URI1: variants seen among roughly 807,000 people sequenced by gnomAD.
URI1 encodes the protein URI1 prefoldin like chaperone, also known as unconventional prefoldin RPB5 interactor 1.
URI1 carries 39 observed loss-of-function variants against 60.2 expected under a neutral mutation model. That is an observed-to-expected ratio of 0.65 (90% CI 0.50 to 0.85). The LOEUF (loss-of-function observed/expected upper bound fraction) is 0.85, where lower values mean the gene tolerates loss of function less well. Ranked by LOEUF, URI1 falls within the 40% of genes least tolerant of loss-of-function variation. The pLI is 0.00. For synonymous variants in URI1, 251 were observed against 236.8 expected, an observed-to-expected ratio of 1.06 and a Z score of -0.55; for missense variants, 691 against 665.9, an observed-to-expected ratio of 1.04 and a Z score of -0.42.
intron 1 of URI1, among the ~76,000 whole-genome samples, chr19:29,943,628 AC>A (rs2043125816): frequency 6.6e-6 from 1 of 152,188 alleles, no homozygotes; most frequent in Admixed American, 6.5e-5. Flanking sequence ...TTACATAGAT[AC>A]AAAAATATAC....
At chr19:30,010,628 T>C (rs1009356999) in intron 8 of URI1, among the ~76,000 whole-genome samples, 8 of 152,290 alleles carry the variant, frequency 5.3e-5, no homozygotes, top group African/African-American at 1.7e-4. Flanking sequence ...GGTTTTTATT[T>C]TTTTACTCCT....
Position 30,014,892 on chromosome 19 carries a change from T to C in URI1, c.1431T>C (p.Phe477=), listed in dbSNP as rs374782301. The change falls in exon 11 of 11, where the codon TTT becomes TTC. Residue 477 remains phenylalanine (F), a synonymous_variant. Transcript: ENST00000392271. ...ACCTGACTTTTGTTTTCTAGGCTTTTTCTGGAACTGTTATAGAAAAAGAAT... is the reference window on the plus strand; with the variant it reads ...ACCTGACTTTTGTTTTCTAGGCTTTCTCTGGAACTGTTATAGAAAAAGAAT... The part of the protein sequence containing the change: ...LLPLSVTPEA[F]SGTVIEKEFV... The C allele has an allele frequency of 1.1e-3, 1,730 of 1,610,584 alleles. 31 individuals are homozygous for C. In the South Asian group the frequency reaches 0.018, roughly 17 times the overall value.
chr19:29,968,560 T>G (rs1391681670), intron 1 of URI1, among the ~76,000 whole-genome samples: 7 of 126,902 alleles, frequency 5.5e-5, no homozygotes, highest in Non-Finnish European at 1.1e-4. Context: ...ATTTACTAAT[T>G]TTTTCTTTTT....
intron 1 of URI1, 86 bp downstream of exon 1, chr19:29,942,750 GC>G: frequency 1.6e-6 from 2 of 1,268,216 alleles, no homozygotes; most frequent in Non-Finnish European, 2.0e-6. Context: ...CGTGGCCTAG[GC>G]CCAGCTGCCC....
rs1173996310 is a variant in URI1 at position 30,015,235 on chromosome 19, ACTGT to A, written c.*170_*173del. 8 of 1,419,188 alleles carry A rather than the reference ACTGT, an allele frequency of 5.6e-6. No individual in the cohort carries two copies. In the African/African-American group the frequency reaches 1.0e-4, roughly 18 times the overall value. 87.9% of individuals were successfully genotyped at this position (1,419,188 alleles called of 1,614,324 possible). A position where few individuals can be genotyped will look rare whatever the true frequency, so the allele number is the denominator to read the frequency against. On this transcript the variant is annotated 3_prime_UTR_variant, in exon 11 of 11. Transcript: ENST00000392271. ...GTGGTATTTGAAAAAAATCAAGGTA[ACTGT>A]CTGAATACTTTAATATCAGCTTGTT...
At chr19:29,933,805 G>A (rs1417046683) in intron 1 of URI1, among the ~76,000 whole-genome samples, 2 of 140,218 alleles carry the variant, frequency 1.4e-5, no homozygotes, top group African/African-American at 5.4e-5. Context: ...CTGGGCAACA[G>A]AGTGAGACTC....
Position 30,009,017 on chromosome 19 carries a change from T to C in URI1, c.699T>C (p.Thr233=), listed in dbSNP as rs1446879047. The change falls in exon 8 of 11, where the codon ACT becomes ACC. Residue 233 remains threonine (T), a synonymous_variant. Coordinates refer to ENST00000392271, the MANE Select transcript of URI1 (RefSeq NM_003796.3). ...LLGELDSKPD[T]VIANGEDTTS... ...TCTTCCTTGCTAGTAAGCCTGATAC[T>C]GTGATTGCAAATGGAGAAGATACGA... The C allele has an allele frequency of 1.2e-6, 2 of 1,609,530 alleles. No individual in the cohort carries two copies. Among genetic ancestry groups the C allele is most frequent in the African/African-American group, 1.3e-5 (1 of 74,956 alleles).
intron 4 of URI1, among the ~76,000 whole-genome samples, chr19:29,993,888 A>G (rs373256696): frequency 6.6e-6 from 1 of 152,012 alleles, no homozygotes; most frequent in East Asian, 1.9e-4. Flanking sequence ...CCTCCACTCA[A>G]ATTGTAGGCA....
rs1188295833 is a variant in URI1 at position 30,016,148 on chromosome 19, G to A, written c.*1079G>A. On this transcript the variant is annotated 3_prime_UTR_variant, in exon 11 of 11. Coordinates refer to ENST00000392271, the MANE Select transcript of URI1 (RefSeq NM_003796.3). The stretch of plus-strand genomic sequence containing the variant: ...CTCTATTCATGGCTAAATATTTAAA[G>A]GTTATTTATAGCTTCTTTAATGAAT... 1 of 152,154 alleles carries A rather than the reference G, an allele frequency of 6.6e-6. No individual in the cohort carries two copies. The highest frequency in any genetic ancestry group is 1.5e-5 in the Non-Finnish European group (1 of 67,952). 9.4% of individuals were successfully genotyped at this position (152,154 alleles called of 1,614,324 possible).
Position 30,007,497 on chromosome 19 carries a change from A to G in URI1, c.545A>G (p.His182Arg). 1 of 1,613,318 alleles carries G rather than the reference A, an allele frequency of 6.2e-7. No individual in the cohort carries two copies. Among genetic ancestry groups the G allele is most frequent in the South Asian group, 1.1e-5 (1 of 91,054 alleles). Residue 182 changes from histidine (H) to arginine (R), a missense_variant, in exon 7 of 11, where the codon CAT becomes CGT. Physicochemically the swap from His to Arg is conservative, Grantham distance 29. Coordinates refer to ENST00000392271, the MANE Select transcript of URI1 (RefSeq NM_003796.3). ...KAKHRIAHKP[H>R]SKPKTSDIFE... ...AAACACCGAATTGCTCATAAACCGC[A>G]TTCCAAACCAAAAACTTCAGATATT... is the stretch of plus-strand genomic sequence containing the variant.
intron 10 of URI1, chr19:30,012,787 T>C (rs2056039720): frequency 2.9e-6 from 1 of 339,208 alleles, no homozygotes; most frequent in South Asian, 4.9e-5. Flanking sequence ...CTTGGCATTA[T>C]GTATTACATT....
intron 8 of URI1, among the ~76,000 whole-genome samples, chr19:30,010,655 A>G (rs920619094): frequency 2.3e-4 from 35 of 152,192 alleles, no homozygotes; most frequent in African/African-American, 7.7e-4. Flanking sequence ...TCTAAAAATT[A>G]GAGATGTTTT....
intron 2 of URI1, among the ~76,000 whole-genome samples, chr19:29,975,929 T>A (rs2055517152): frequency 6.6e-6 from 1 of 152,222 alleles, no homozygotes. Flanking sequence ...TGTATTCATC[T>A]ACATGTTTAT....
intron 1 of URI1, among the ~76,000 whole-genome samples, chr19:29,949,710 C>T (rs933795317): frequency 2.0e-5 from 3 of 152,228 alleles, no homozygotes; most frequent in African/African-American, 7.2e-5. Context: ...GAGCTGGAGA[C>T]CAGCCCGGCC....
chr19:29,969,461 A>G (rs1477326568), intron 1 of URI1, among the ~76,000 whole-genome samples: 2 of 152,232 alleles, frequency 1.3e-5, no homozygotes, highest in African/African-American at 2.4e-5. Flanking sequence ...TATCTTCTAT[A>G]ACCTTTAACA....
intron 1 of URI1, among the ~76,000 whole-genome samples, chr19:29,957,789 A>G (rs956069022): frequency 4.6e-5 from 7 of 152,006 alleles, no homozygotes; most frequent in African/African-American, 7.2e-5. Context: ...ATTTACTTCT[A>G]TAACTTTTTA....
At chr19:29,998,173 A>G (rs1199759771) in intron 4 of URI1, among the ~76,000 whole-genome samples, 5 of 152,132 alleles carry the variant, frequency 3.3e-5, no homozygotes, top group Non-Finnish European at 7.4e-5. Context: ...AATGTTATTG[A>G]GCATTCCAGT....
chr19:29,943,590 T>C (rs968563211), intron 1 of URI1, among the ~76,000 whole-genome samples: 1 of 152,200 alleles, frequency 6.6e-6, no homozygotes, highest in Non-Finnish European at 1.5e-5. Flanking sequence ...AACTTTTTAA[T>C]TGAACATTCC....
At chr19:29,999,980 C>CTT (rs11395656) in intron 4 of URI1, among the ~76,000 whole-genome samples, 3,948 of 147,028 alleles carry the variant, frequency 0.027, 81 homozygotes, top group Non-Finnish European at 0.036. Flanking sequence ...TTGTTTACTT[C>CTT]TTTTTTTTTT....
Sources: gnomAD v4.1 joint callset for allele counts (sites outside exome capture counted in the v4.1 genomes callset) on GRCh38, gnomAD v4.1.1 for gene constraint, MANE v1.5 for transcripts, NCBI Gene and HGNC (gene_info 2026-07-23, HGNC 2026-07-21) for gene names.